Variants in CNTN5 observed in about 807,000 individuals in gnomAD.
CNTN5 encodes the protein contactin-5.
CNTN5 carries 77 observed loss-of-function variants against 129.1 expected under a neutral mutation model. The observed-to-expected ratio is 0.60, with a 90% CI of 0.50 to 0.72. The LOEUF (loss-of-function observed/expected upper bound fraction) is 0.72, where lower values mean the gene tolerates loss of function less well. Ranked by LOEUF, CNTN5 falls within the 30% of genes least tolerant of loss-of-function variation. The pLI is 0.00. For synonymous variants in CNTN5, 509 were observed against 465.6 expected (o/e 1.09, Z -1.20); for missense variants, 1,478 against 1,328.8 (o/e 1.11, Z -1.75).
At chr11:99,589,360 A>G (rs1011269986) in intron 3 of CNTN5, among the ~76,000 whole-genome samples, 1 of 152,234 alleles carries the variant, frequency 6.6e-6, no homozygotes, top group African/African-American at 2.4e-5. Flanking sequence ...TAATTTCAAC[A>G]TATAATTCAA....
intron 2 of CNTN5, among the ~76,000 whole-genome samples, chr11:99,534,245 C>T (rs1381706645): frequency 6.6e-6 from 1 of 152,032 alleles, no homozygotes; most frequent in Non-Finnish European, 1.5e-5. Flanking sequence ...AGACCAAAAG[C>T]ACGATAGTGT....
chr11:100,259,647 G>A (rs761801230), intron 17 of CNTN5, among the ~76,000 whole-genome samples: 112 of 151,914 alleles, frequency 7.4e-4, no homozygotes, highest in African/African-American at 1.9e-3. Context: ...AAACTCACTC[G>A]AAACCACACA....
intron 9 of CNTN5, among the ~76,000 whole-genome samples, chr11:100,009,498 G>T (rs1940397239): frequency 6.6e-6 from 1 of 152,046 alleles, no homozygotes; most frequent in Non-Finnish European, 1.5e-5. Context: ...GAAAAGACTG[G>T]TTTAGACATA....
At chr11:99,612,686 T>A (rs1167020532) in intron 3 of CNTN5, among the ~76,000 whole-genome samples, 2 of 152,220 alleles carry the variant, frequency 1.3e-5, no homozygotes, top group African/African-American at 2.4e-5. Flanking sequence ...GCATTATCAT[T>A]TATTAATCTT....
intron 2 of CNTN5, among the ~76,000 whole-genome samples, chr11:99,518,633 T>C (rs2466915): frequency 0.25 from 37,550 of 152,036 alleles, 5,244 homozygotes; most frequent in Middle Eastern, 0.37. Context: ...CTATATTAAG[T>C]ATTTAGTCAA....
At chr11:99,174,096 T>A in intron 1 of CNTN5, among the ~76,000 whole-genome samples, 1 of 152,096 alleles carries the variant, frequency 6.6e-6, no homozygotes, top group South Asian at 2.1e-4. Context: ...CCTCCCAGGT[T>A]CAAATGATCT....
At chr11:99,661,841 C>T (rs1384757818) in intron 3 of CNTN5, among the ~76,000 whole-genome samples, 1 of 152,092 alleles carries the variant, frequency 6.6e-6, no homozygotes, top group East Asian at 1.9e-4. Context: ...GGTACAGGTA[C>T]TCCACGATAC....
At position 100,324,212 on chromosome 11, in the gene CNTN5, A is replaced by C. The variant is rs1380231850; in HGVS notation, c.2730+15744A>C. On this transcript the variant is annotated intron_variant, in intron 21 of 24. Transcript: ENST00000524871. The stretch of plus-strand genomic sequence containing the variant: ...AACAAATAGATTTTTAAAGGCAAAG[A>C]AAGGGCAGCGGTGGGAAGGGAGTGG... Among the ~76,000 whole-genome samples, 5 of 152,144 alleles carry C rather than the reference A, an allele frequency of 3.3e-5. No homozygotes were observed. The East Asian group carries it at 9.6e-4, about 29-fold the overall frequency.
At chr11:99,066,558 G>C (rs1219419879) in intron 1 of CNTN5, among the ~76,000 whole-genome samples, 1 of 152,144 alleles carries the variant, frequency 6.6e-6, no homozygotes, top group African/African-American at 2.4e-5. Flanking sequence ...AGCTACAACT[G>C]TTTTTAAAAA....
At chr11:100,092,662 A>C (rs1219558469) in intron 13 of CNTN5, among the ~76,000 whole-genome samples, 1 of 152,196 alleles carries the variant, frequency 6.6e-6, no homozygotes, top group Admixed American at 6.5e-5. Flanking sequence ...ACACCACATT[A>C]AAGCTGTTAT....
intron 3 of CNTN5, among the ~76,000 whole-genome samples, chr11:99,614,934 G>T (rs904899044): frequency 2.0e-5 from 3 of 151,510 alleles, no homozygotes; most frequent in Non-Finnish European, 4.4e-5. Flanking sequence ...CCTAAGAATG[G>T]CCGTACTGTT....
intron 13 of CNTN5, among the ~76,000 whole-genome samples, chr11:100,102,037 T>C (rs1241551314): frequency 6.6e-6 from 1 of 152,172 alleles, no homozygotes; most frequent in African/African-American, 2.4e-5. Flanking sequence ...GCTGAAAACA[T>C]GAATGTGCAT....
At chr11:99,300,835 C>T (rs1275366244) in intron 1 of CNTN5, among the ~76,000 whole-genome samples, 1 of 151,836 alleles carries the variant, frequency 6.6e-6, no homozygotes, top group Non-Finnish European at 1.5e-5. Flanking sequence ...TCATAAAAGA[C>T]AGTGTAAACT....
At chr11:100,296,443 A>G (rs1432705006) in intron 18 of CNTN5, among the ~76,000 whole-genome samples, 2 of 151,600 alleles carry the variant, frequency 1.3e-5, no homozygotes, top group African/African-American at 2.4e-5. Context: ...TGAACTCCAC[A>G]TATGAATAAT....
chr11:99,897,901 T>A (rs1949250438), intron 6 of CNTN5, among the ~76,000 whole-genome samples: 1 of 152,106 alleles, frequency 6.6e-6, no homozygotes, highest in Admixed American at 6.6e-5. Flanking sequence ...AGGAGACCTA[T>A]CTCACATGTA....
At chr11:100,098,541 G>T (rs1027327816) in intron 13 of CNTN5, among the ~76,000 whole-genome samples, 1 of 152,020 alleles carries the variant, frequency 6.6e-6, no homozygotes, top group African/African-American at 2.4e-5. Flanking sequence ...CCTTACAGCT[G>T]TCCTTGCAGG....
chr11:99,833,061 C>CCA (rs1422154633), intron 4 of CNTN5, among the ~76,000 whole-genome samples: 1 of 152,150 alleles, frequency 6.6e-6, no homozygotes, highest in Admixed American at 6.5e-5. Context: ...AATGTTGGGT[C>CCA]ATGATCCAAT....
chr11:99,069,019 G>A (rs542867059), intron 1 of CNTN5, among the ~76,000 whole-genome samples: 1 of 152,200 alleles, frequency 6.6e-6, no homozygotes, highest in Admixed American at 6.6e-5. Context: ...CATCATTCAT[G>A]GTGGTTGGCG....
rs535522203 is a variant in CNTN5, at chr11:99,654,396, C to T, written c.55+98127C>T. On this transcript the variant is annotated intron_variant, in intron 3 of 24. Transcript: ENST00000524871. Reference sequence around the variant, plus strand: ...GCCATTGGCATTCTTAGAGGTTTAGCGTGGATGGGATTAGGCAAAGGTGGA... The same window carrying T: ...GCCATTGGCATTCTTAGAGGTTTAGTGTGGATGGGATTAGGCAAAGGTGGA... Among the ~76,000 whole-genome samples, 6 of 151,964 alleles carry T rather than the reference C, an allele frequency of 3.9e-5. No homozygotes were observed. The South Asian group carries it at 6.2e-4, about 16-fold the overall frequency.
Sources: gnomAD v4.1 joint callset for allele counts (sites outside exome capture counted in the v4.1 genomes callset) on GRCh38, gnomAD v4.1.1 for gene constraint, MANE v1.5 for transcripts, NCBI Gene and HGNC (gene_info 2026-07-23, HGNC 2026-07-21) for gene names.